Variants in CORIN observed in about 807,000 individuals in gnomAD.
CORIN encodes the protein atrial natriuretic peptide-converting enzyme.
A neutral mutation model predicts 125.3 loss-of-function variants in CORIN; 117 were observed. The observed-to-expected ratio is 0.93, with a 90% CI of 0.80 to 1.09. The LOEUF is 1.09. CORIN is among the 50% of genes least tolerant of loss of function. The pLI, the probability that CORIN is intolerant of heterozygous loss-of-function variation, is 0.00. For missense variants in CORIN, 1,253 were observed against 1,306.7 expected (o/e 0.96, Z 0.63); for synonymous variants, 450 against 466.4 (o/e 0.96, Z 0.45).
intron 4 of CORIN, among the ~76,000 whole-genome samples, chr4:47,755,351 C>A (rs1448313056): frequency 6.6e-6 from 1 of 152,186 alleles, no homozygotes; most frequent in African/African-American, 2.4e-5. Context: ...CTAAGAACGG[C>A]CATGGTATGC....
chr4:47,734,527 T>C (rs908339938), intron 5 of CORIN, among the ~76,000 whole-genome samples: 1 of 152,262 alleles, frequency 6.6e-6, no homozygotes, highest in African/African-American at 2.4e-5. Context: ...CCTTTTATAC[T>C]TTCTGTATCA....
intron 20 of CORIN, among the ~76,000 whole-genome samples, chr4:47,602,013 G>A (rs1721466124): frequency 6.8e-6 from 1 of 146,010 alleles, no homozygotes; most frequent in South Asian, 2.2e-4. Context: ...AGCACTTACA[G>A]TTTTTTTTTT....
chr4:47,786,562 C>CA (rs1217674514), intron 3 of CORIN, among the ~76,000 whole-genome samples, 163 bp downstream of exon 3: 1 of 152,214 alleles, frequency 6.6e-6, no homozygotes, highest in South Asian at 2.1e-4. Context: ...ACAACAACAA[C>CA]AACAAACAAA....
intron 17 of CORIN, among the ~76,000 whole-genome samples, chr4:47,625,608 G>T (rs1021757779): frequency 5.3e-5 from 8 of 152,100 alleles, no homozygotes; most frequent in Admixed American, 4.6e-4. Flanking sequence ...TTTTTAAGAG[G>T]AAATGGTCCA....
intron 2 of CORIN, among the ~76,000 whole-genome samples, chr4:47,788,863 G>A (rs546349324): frequency 6.6e-6 from 1 of 152,196 alleles, no homozygotes; most frequent in African/African-American, 2.4e-5. Flanking sequence ...GTACCCTGGA[G>A]TAATTCCCTT....
At chr4:47,603,703 A>C (rs921026694) in intron 19 of CORIN, 35 bp from the exon 20 acceptor site, 2 of 1,595,242 alleles carry the variant, frequency 1.3e-6, no homozygotes, top group Non-Finnish European at 1.7e-6. Context: ...TGGCATCTTA[A>C]ACTCTAGTTT....
intron 1 of CORIN, among the ~76,000 whole-genome samples, chr4:47,833,947 T>C: frequency 6.6e-6 from 1 of 152,184 alleles, no homozygotes; most frequent in East Asian, 1.9e-4. Flanking sequence ...ATATGGTTCA[T>C]GGGAATGTAA....
At chr4:47,827,986 C>T (rs1732814979) in intron 1 of CORIN, among the ~76,000 whole-genome samples, 1 of 152,202 alleles carries the variant, frequency 6.6e-6, no homozygotes, top group Non-Finnish European at 1.5e-5. Flanking sequence ...TTTAAACTGC[C>T]TCCCAGCTTT....
chr4:47,622,101 T>G (rs1207695304), intron 19 of CORIN, among the ~76,000 whole-genome samples: 2 of 144,576 alleles, frequency 1.4e-5, no homozygotes, highest in East Asian at 4.2e-4. Context: ...TATGCGGTGT[T>G]TGGTTTTTTG....
At chr4:47,824,459 A>G (rs1325081669) in intron 1 of CORIN, among the ~76,000 whole-genome samples, 1 of 152,160 alleles carries the variant, frequency 6.6e-6, no homozygotes, top group African/African-American at 2.4e-5. Context: ...CGTTCTCACC[A>G]GGATGCCTTA....
At chr4:47,634,043 A>AAAAT (rs1165036755) in intron 16 of CORIN, among the ~76,000 whole-genome samples, 1 of 152,236 alleles carries the variant, frequency 6.6e-6, no homozygotes, top group Non-Finnish European at 1.5e-5. Flanking sequence ...CGGCATTTTA[A>AAAAT]AAATGCCTAA....
chr4:47,771,734 C>T (rs1476327583), intron 3 of CORIN, among the ~76,000 whole-genome samples: 1 of 152,082 alleles, frequency 6.6e-6, no homozygotes, highest in Non-Finnish European at 1.5e-5. Context: ...GTAAACCAAA[C>T]CTAAACACAG....
chr4:47,640,352 T>C lies in CORIN; in HGVS notation c.2198+1568A>G, dbSNP rs76097527. Among the ~76,000 whole-genome samples, 381 of 152,278 alleles carry C rather than the reference T, an allele frequency of 2.5e-3. 2 individuals are homozygous for C. Among genetic ancestry groups the C allele is most frequent in the African/African-American group, 8.6e-3 (359 of 41,550 alleles). On this transcript the variant is annotated intron_variant, in intron 16 of 21. Coordinates refer to ENST00000273857, the MANE Select transcript of CORIN (RefSeq NM_006587.4). Reference sequence around the variant, plus strand: ...CTGGTACATGCTACAAGACAGATGATTGAAAATGTGCTAAGTAAAAGAAAC... The same window carrying C: ...CTGGTACATGCTACAAGACAGATGACTGAAAATGTGCTAAGTAAAAGAAAC...
At chr4:47,730,298 C>T (rs539792037) in intron 5 of CORIN, among the ~76,000 whole-genome samples, 9 of 152,052 alleles carry the variant, frequency 5.9e-5, no homozygotes, top group African/African-American at 1.9e-4. Flanking sequence ...TATGGTGAAA[C>T]CCCATCTCTA....
At chr4:47,642,782 C>A in intron 15 of CORIN, 1 of 1,368,484 alleles carries the variant, frequency 7.3e-7, no homozygotes, top group Non-Finnish European at 9.6e-7. Context: ...AGAGGGGCCA[C>A]TTGACTATTC....
At chr4:47,678,566 C>T (rs960390207) in intron 8 of CORIN, among the ~76,000 whole-genome samples, 1 of 152,156 alleles carries the variant, frequency 6.6e-6, no homozygotes, top group Non-Finnish European at 1.5e-5. Context: ...CATAAGCCAA[C>T]AAAATAGTAT....
intron 1 of CORIN, among the ~76,000 whole-genome samples, chr4:47,821,894 C>A (rs1247915494): frequency 1.3e-5 from 2 of 152,130 alleles, no homozygotes; most frequent in East Asian, 1.9e-4. Flanking sequence ...ACTTGCCTAG[C>A]TTTCATGTAT....
chr4:47,792,957 C>T (rs1348206045), intron 2 of CORIN, among the ~76,000 whole-genome samples: 1 of 152,156 alleles, frequency 6.6e-6, no homozygotes, highest in East Asian at 1.9e-4. Flanking sequence ...GCTGTTGTTA[C>T]ATGACAGAGT....
chr4:47,745,664 CT>C (rs1728632101), intron 4 of CORIN, among the ~76,000 whole-genome samples: 1 of 152,180 alleles, frequency 6.6e-6, no homozygotes, highest in Admixed American at 6.5e-5. Flanking sequence ...CCTGTCTCTT[CT>C]CTTCTAAGGA....
Sources: allele counts gnomAD v4.1 joint callset (sites outside exome capture counted in the v4.1 genomes callset), GRCh38; gene constraint gnomAD v4.1.1; transcripts MANE v1.5; gene names NCBI Gene and HGNC (gene_info 2026-07-23, HGNC 2026-07-21).